The following ZNG1C variants were observed in gnomAD, a reference collection of about 807,000 sequenced individuals.
ZNG1C encodes the protein zinc-regulated GTPase metalloprotein activator 1C.
the ZNG1C span, chr9:68,299,190 C>A: frequency 6.7e-7 from 1 of 1,502,338 alleles, no homozygotes; most frequent in East Asian, 2.3e-5. Flanking sequence ...TTCAGGTCCT[C>A]TTTTAAAACT....
the ZNG1C span, among the ~76,000 whole-genome samples, chr9:68,286,876 GAATA>G: frequency 7.6e-6 from 1 of 131,222 alleles, no homozygotes; most frequent in African/African-American, 3.0e-5. Context: ...TCTTTAAAAT[GAATA>G]AATGAGAGAA....
the ZNG1C span, chr9:68,285,366 T>C: frequency 6.9e-6 from 1 of 145,770 alleles, no homozygotes; most frequent in Non-Finnish European, 1.5e-5. Flanking sequence ...TGTTGAAATG[T>C]ATGCTACAGT....
At chr9:68,276,649 G>C in the ZNG1C span, among the ~76,000 whole-genome samples, 9 of 119,436 alleles carry the variant, frequency 7.5e-5, no homozygotes, top group Non-Finnish European at 1.6e-4. Context: ...GCTCTGTTCT[G>C]TTCCATTGAT....
chr9:68,299,257 T>C, the ZNG1C span: 13 of 1,527,736 alleles, frequency 8.5e-6, no homozygotes, highest in African/African-American at 1.4e-5. Context: ...CGTAAAAGCT[T>C]GTTAGGACTT....
the ZNG1C span, among the ~76,000 whole-genome samples, chr9:68,268,102 AAG>A: frequency 8.7e-6 from 1 of 114,792 alleles, no homozygotes; most frequent in Admixed American, 9.0e-5. Context: ...GTATTCAAAA[AAG>A]AAGATTTAAG....
At chr9:68,276,700 T>G in the ZNG1C span, among the ~76,000 whole-genome samples, 3 of 50,012 alleles carry the variant, frequency 6.0e-5, no homozygotes, top group African/African-American at 1.6e-4. Context: ...CTGTTTTGGT[T>G]ACTGTAGGCT....
At chr9:68,246,790 TTAAG>T in the ZNG1C span, among the ~76,000 whole-genome samples, 1 of 145,768 alleles carries the variant, frequency 6.9e-6, no homozygotes, top group African/African-American at 2.6e-5. Flanking sequence ...TTATTCTTTC[TTAAG>T]TAAGTATTGC....
At chr9:68,251,063 C>A in the ZNG1C span, 1 of 340,424 alleles carries the variant, frequency 2.9e-6, no homozygotes, top group Non-Finnish European at 5.5e-6. Flanking sequence ...TGGATGACAG[C>A]ATGAGACCCC....
chr9:68,270,668 G>A, the ZNG1C span: 1 of 164,004 alleles, frequency 6.1e-6, no homozygotes, highest in Non-Finnish European at 1.3e-5. Flanking sequence ...CGGATCACGA[G>A]GTCAGGAGAT....
the ZNG1C span, among the ~76,000 whole-genome samples, chr9:68,286,955 C>A: frequency 8.3e-6 from 1 of 119,780 alleles, no homozygotes; most frequent in African/African-American, 2.9e-5. Context: ...TTATGATAGT[C>A]GGTATCTGTC....
At chr9:68,264,820 A>ATTAT in the ZNG1C span, among the ~76,000 whole-genome samples, 1 of 39,460 alleles carries the variant, frequency 2.5e-5, no homozygotes, top group African/African-American at 1.0e-4. Context: ...GGGATTGAAG[A>ATTAT]TTATATATAT....
At chr9:68,269,541 T>C in the ZNG1C span, 4 of 891,602 alleles carry the variant, frequency 4.5e-6, no homozygotes, top group Non-Finnish European at 5.2e-6. Context: ...GGTTATTTTA[T>C]TAAGCTCATT....
the ZNG1C span, chr9:68,248,877 C>G: frequency 2.2e-6 from 1 of 457,118 alleles, no homozygotes; most frequent in East Asian, 3.1e-5. Context: ...CTGTTAGAGA[C>G]CACTGGATTA....
chr9:68,270,592 T>A, the ZNG1C span: 2 of 985,026 alleles, frequency 2.0e-6, no homozygotes, highest in African/African-American at 3.5e-5. Context: ...GTTTAGAAAC[T>A]GGAGATTTGG....
chr9:68,290,922 C>T, the ZNG1C span, among the ~76,000 whole-genome samples: 1 of 151,458 alleles, frequency 6.6e-6, no homozygotes, highest in Non-Finnish European at 1.5e-5. Flanking sequence ...GCGTTTTAGT[C>T]AGACTGCATA....
At chr9:68,293,275 C>A in the ZNG1C span, among the ~76,000 whole-genome samples, 3 of 152,246 alleles carry the variant, frequency 2.0e-5, no homozygotes, top group Non-Finnish European at 4.4e-5. Context: ...CAACAAAAAC[C>A]AAAAAAACAA....
chr9:68,279,895 CAG>C, the ZNG1C span, among the ~76,000 whole-genome samples: 1 of 146,952 alleles, frequency 6.8e-6, no homozygotes, highest in East Asian at 2.0e-4. Flanking sequence ...TGATATCCTG[CAG>C]AGTGTTTTCC....
At chr9:68,256,110 C>G in the ZNG1C span, among the ~76,000 whole-genome samples, 5 of 152,284 alleles carry the variant, frequency 3.3e-5, no homozygotes, top group Non-Finnish European at 5.9e-5. Flanking sequence ...CTTGTCAGAG[C>G]AGGTGGACAG....
chr9:68,287,616 T>G, the ZNG1C span, among the ~76,000 whole-genome samples: 1 of 152,310 alleles, frequency 6.6e-6, no homozygotes, highest in Non-Finnish European at 1.5e-5. Context: ...ATAATGAGCC[T>G]GTATGTACCT....
Sources: gnomAD v4.1 joint callset for allele counts (sites outside exome capture counted in the v4.1 genomes callset) on GRCh38, gnomAD v4.1.1 for gene constraint, MANE v1.5 for transcripts, NCBI Gene and HGNC (gene_info 2026-07-23, HGNC 2026-07-21) for gene names.